Variants in ALK observed in about 807,000 individuals in gnomAD.
The protein encoded by ALK is ALK tyrosine kinase receptor.
Under a neutral mutation model 163.1 loss-of-function variants are expected in ALK, and 74 were observed. The ratio of observed to expected loss-of-function variants is 0.45; its 90% CI spans 0.38 to 0.55. The LOEUF is 0.55. Ranked by LOEUF, ALK falls within the 20% of genes least tolerant of loss-of-function variation. The pLI, the probability that ALK is intolerant of heterozygous loss-of-function variation, is 0.00. For synonymous variants in ALK, 960 were observed against 843.2 expected, an observed-to-expected ratio of 1.14 and a Z score of -2.40; for missense variants, 2,063 against 2,105.3, an observed-to-expected ratio of 0.98 and a Z score of 0.39.
At chr2:29,365,882 A>G (rs1191549492) in intron 5 of ALK, among the ~76,000 whole-genome samples, 1 of 152,158 alleles carries the variant, frequency 6.6e-6, no homozygotes, top group Non-Finnish European at 1.5e-5. Context: ...CACTACAATG[A>G]GCTCATTATT....
rs772412307 is a variant in ALK, at chr2:29,340,504, C to T, written c.1283-12023G>A. ...GGTCATCCTGCCCCCATGACATCCA[C>T]GGTAGCCACAGTAGAAGGGCTGGCT... On this transcript the variant is annotated intron_variant, in intron 5 of 28. Transcript: ENST00000389048. Among the ~76,000 whole-genome samples the T allele has an allele frequency of 9.2e-5, 14 of 152,244 alleles. No individual in the cohort carries two copies. The East Asian group carries it at 1.7e-3, about 19-fold the overall frequency.
intron 4 of ALK, among the ~76,000 whole-genome samples, chr2:29,416,137 T>C (rs957910873): frequency 1.3e-5 from 2 of 152,216 alleles, no homozygotes; most frequent in African/African-American, 2.4e-5. Context: ...CATATGTCTA[T>C]ATATACCCTC....
intron 11 of ALK, among the ~76,000 whole-genome samples, chr2:29,268,214 T>G (rs1424028186): frequency 6.6e-6 from 1 of 152,184 alleles, no homozygotes; most frequent in African/African-American, 2.4e-5. Context: ...CAGAGCTGGG[T>G]GAGTCTGTGC....
chr2:29,650,015 A>T (rs1676995692), intron 3 of ALK, among the ~76,000 whole-genome samples: 1 of 152,186 alleles, frequency 6.6e-6, no homozygotes, highest in South Asian at 2.1e-4. Context: ...CCTTAAAACC[A>T]CAAGGAAGGG....
intron 1 of ALK, among the ~76,000 whole-genome samples, chr2:29,762,056 C>T (rs905961824): frequency 1.1e-4 from 16 of 152,166 alleles, no homozygotes; most frequent in African/African-American, 2.9e-4. Flanking sequence ...TCAAGTCAAT[C>T]GGTAAAGGGG....
At chr2:29,666,852 T>G (rs916694027) in intron 3 of ALK, among the ~76,000 whole-genome samples, 9 of 152,048 alleles carry the variant, frequency 5.9e-5, no homozygotes, top group African/African-American at 2.2e-4. Context: ...TTCTCCTACC[T>G]TTCCCAGCCT....
At chr2:29,749,407 C>T (rs1417654797) in intron 1 of ALK, among the ~76,000 whole-genome samples, 1 of 152,188 alleles carries the variant, frequency 6.6e-6, no homozygotes, top group South Asian at 2.1e-4. Flanking sequence ...ACAAACAGCA[C>T]TTCAGTTGCT....
At chr2:29,268,990 A>T (rs1352818009) in intron 11 of ALK, among the ~76,000 whole-genome samples, 3 of 152,220 alleles carry the variant, frequency 2.0e-5, no homozygotes, top group African/African-American at 7.2e-5. Flanking sequence ...TGATAATCTA[A>T]GCACCATTTT....
chr2:29,912,225 C>T (rs1479645646), intron 1 of ALK, among the ~76,000 whole-genome samples: 1 of 152,052 alleles, frequency 6.6e-6, no homozygotes, highest in East Asian at 1.9e-4. Flanking sequence ...TGATGAAAGA[C>T]ATAAACTTAT....
At chr2:29,848,338 T>A (rs1008033686) in intron 1 of ALK, among the ~76,000 whole-genome samples, 3 of 151,270 alleles carry the variant, frequency 2.0e-5, no homozygotes, top group Non-Finnish European at 2.9e-5. Flanking sequence ...ACCACCTTGT[T>A]CAGGAAGGCT....
chr2:29,225,697 A>G (rs944992723), intron 18 of ALK, 132 bp from the exon 19 acceptor site: 2 of 766,274 alleles, frequency 2.6e-6, no homozygotes, highest in Non-Finnish European at 4.5e-6. Context: ...ACCTTGTCAC[A>G]CTTTTCTTTT....
At chr2:29,363,673 G>T (rs531554552) in intron 5 of ALK, among the ~76,000 whole-genome samples, 3 of 152,170 alleles carry the variant, frequency 2.0e-5, no homozygotes, top group African/African-American at 7.2e-5. Context: ...AAGCCCAGGG[G>T]CCTCAGTGAT....
intron 3 of ALK, among the ~76,000 whole-genome samples, chr2:29,588,462 A>C (rs1051779890): frequency 3.3e-5 from 5 of 152,098 alleles, no homozygotes; most frequent in African/African-American, 1.2e-4. Flanking sequence ...AACTCCTGAC[A>C]TCAAGCGATC....
At chr2:29,666,092 A>G (rs966174245) in intron 3 of ALK, among the ~76,000 whole-genome samples, 1 of 152,118 alleles carries the variant, frequency 6.6e-6, no homozygotes, top group South Asian at 2.1e-4. Flanking sequence ...TTCATGAGAC[A>G]CTATAAAATC....
At chr2:29,726,910 G>T (rs1156567541) in intron 1 of ALK, among the ~76,000 whole-genome samples, 2 of 152,210 alleles carry the variant, frequency 1.3e-5, no homozygotes, top group Non-Finnish European at 2.9e-5. Flanking sequence ...ATGTATGACT[G>T]CAGACCTCTG....
At chr2:29,718,953 A>AC (rs913427280) in intron 1 of ALK, among the ~76,000 whole-genome samples, 12 of 151,982 alleles carry the variant, frequency 7.9e-5, no homozygotes, top group Non-Finnish European at 1.6e-4. Flanking sequence ...CTTCCACATT[A>AC]CCCCCTGTAC....
intron 24 of ALK, 73 bp downstream of exon 24, chr2:29,213,911 G>A: frequency 7.8e-7 from 1 of 1,277,722 alleles, no homozygotes; most frequent in Non-Finnish European, 1.1e-6. Flanking sequence ...GGAAATGTGA[G>A]CCCTTGAGAT....
intron 1 of ALK, among the ~76,000 whole-genome samples, chr2:29,724,641 T>C (rs974017725): frequency 2.0e-5 from 3 of 152,202 alleles, no homozygotes; most frequent in African/African-American, 7.2e-5. Flanking sequence ...GTCCTAAACA[T>C]ATAGCCCTCC....
intron 4 of ALK, among the ~76,000 whole-genome samples, chr2:29,466,946 C>A (rs1164811363): frequency 1.3e-5 from 2 of 152,178 alleles, no homozygotes; most frequent in Non-Finnish European, 2.9e-5. Context: ...TAGTGGACAT[C>A]TGTAATTTTG....
Sources: allele counts gnomAD v4.1 joint callset (sites outside exome capture counted in the v4.1 genomes callset), GRCh38; gene constraint gnomAD v4.1.1; transcripts MANE v1.5; gene names NCBI Gene and HGNC (gene_info 2026-07-23, HGNC 2026-07-21).